Variants in CA8 observed in about 807,000 individuals in gnomAD.
CA8 encodes carbonic anhydrase-related protein.
In CA8, 22 loss-of-function variants were observed where a neutral mutation model predicts 41.4. The ratio of observed to expected loss-of-function variants is 0.53; its 90% CI spans 0.38 to 0.76. CA8 has a LOEUF of 0.76. Among genes scored for constraint, CA8 ranks in the 30% least tolerant of loss-of-function variants. The probability of loss-of-function intolerance (pLI) is 0.00; values close to 1 mark genes in which losing one functional copy is unlikely to be tolerated. For missense variants in CA8, 270 were observed against 352.8 expected (o/e 0.77, Z 1.88); for synonymous variants, 121 against 130.6 (o/e 0.93, Z 0.50).
intron 7 of CA8, among the ~76,000 whole-genome samples, chr8:60,210,806 A>T (rs1693826970): frequency 6.6e-6 from 1 of 152,208 alleles, no homozygotes; most frequent in South Asian, 2.1e-4. Flanking sequence ...CAGCTGTTTA[A>T]TCTACTTGAT....
intron 3 of CA8, among the ~76,000 whole-genome samples, chr8:60,256,352 C>T (rs988832658): frequency 6.6e-6 from 1 of 152,132 alleles, no homozygotes; most frequent in Non-Finnish European, 1.5e-5. Context: ...TGCCACTCTC[C>T]CTGACTAAGA....
chr8:60,238,373 T>C (rs1179162715), intron 3 of CA8, among the ~76,000 whole-genome samples: 2 of 152,180 alleles, frequency 1.3e-5, no homozygotes, highest in East Asian at 1.9e-4. Context: ...ACAAATTTCC[T>C]TTTCCCCAGC....
At chr8:60,263,088 C>A (rs776778010) in intron 3 of CA8, among the ~76,000 whole-genome samples, 5 of 152,124 alleles carry the variant, frequency 3.3e-5, no homozygotes, top group Non-Finnish European at 7.4e-5. Flanking sequence ...CGCCTGTAAT[C>A]CCAGCAATTT....
At chr8:60,215,916 T>C (rs957599640) in intron 7 of CA8, among the ~76,000 whole-genome samples, 1 of 152,238 alleles carries the variant, frequency 6.6e-6, no homozygotes, top group African/African-American at 2.4e-5. Context: ...AGGTGATGCA[T>C]GTCAAGATAC....
chr8:60,280,959 G>C (rs1804400359), intron 1 of CA8, 89 bp downstream of exon 1: 1 of 918,364 alleles, frequency 1.1e-6, no homozygotes, highest in African/African-American at 1.6e-5. Flanking sequence ...TGCTCGGAGC[G>C]CGCAGCGGCA....
At chr8:60,239,167 A>C (rs185535372) in intron 3 of CA8, among the ~76,000 whole-genome samples, 373 of 152,310 alleles carry the variant, frequency 2.4e-3, no homozygotes, top group African/African-American at 8.6e-3. Context: ...GCAGTGACAA[A>C]ATCACAGCTC....
At chr8:60,270,049 T>C (rs1009542086) in intron 2 of CA8, among the ~76,000 whole-genome samples, 13 of 152,130 alleles carry the variant, frequency 8.5e-5, no homozygotes, top group Non-Finnish European at 1.6e-4. Context: ...TCTAGGAGAA[T>C]AAAATCAAAA....
At chr8:60,212,733 C>T (rs957913688) in intron 7 of CA8, among the ~76,000 whole-genome samples, 2 of 152,130 alleles carry the variant, frequency 1.3e-5, no homozygotes, top group Admixed American at 1.3e-4. Context: ...CAGCACAGTA[C>T]CTATAGTTAA....
chr8:60,247,391 C>T (rs1808284996), intron 3 of CA8, among the ~76,000 whole-genome samples: 1 of 152,092 alleles, frequency 6.6e-6, no homozygotes, highest in African/African-American at 2.4e-5. Flanking sequence ...TTTGTCCTAA[C>T]TCTCTCCCTC....
At chr8:60,255,287 C>A (rs1272420059) in intron 3 of CA8, among the ~76,000 whole-genome samples, 1 of 147,108 alleles carries the variant, frequency 6.8e-6, no homozygotes, top group African/African-American at 2.5e-5. Context: ...TAATTCTGGA[C>A]AGACACTCTT....
chr8:60,194,210 T>C (rs1806213305), intron 8 of CA8, among the ~76,000 whole-genome samples: 1 of 152,210 alleles, frequency 6.6e-6, no homozygotes, highest in Non-Finnish European at 1.5e-5. Flanking sequence ...TTTATGTCTT[T>C]TAACTCACTT....
intron 3 of CA8, among the ~76,000 whole-genome samples, chr8:60,262,303 G>A (rs1161785166): frequency 6.9e-6 from 1 of 144,664 alleles, no homozygotes; most frequent in African/African-American, 2.6e-5. Flanking sequence ...AATGGTGAAT[G>A]CATAGAGTGT....
rs1403081698 is a variant in CA8, at chr8:60,281,040, C to T, written c.100+8G>A. ...GGACCCCGGACACCCCGACTCGCGG[C>T]CACTTACCTTCCTCGTAGCCCCACT... On this transcript the variant is annotated splice_region_variant and intron_variant, in intron 1 of 8. Transcript: ENST00000317995. 3.7e-6 allele frequency: 6 copies of T among 1,604,484 alleles called. No individual in the cohort carries two copies. In the Admixed American group the frequency reaches 5.0e-5, roughly 13 times the overall value.
Position 60,209,007 on chromosome 8 carries a change from T to TA in CA8, c.739-89dup, listed in dbSNP as rs1806739093. On this transcript the variant is annotated intron_variant, in intron 7 of 8. Coordinates refer to ENST00000317995, the MANE Select transcript of CA8 (RefSeq NM_004056.6). ...TCATAAATGACATGCATAAAATATGTATAAATTACAAGAATTATTGAAGAG... is the reference window on the plus strand; with the variant it reads ...TCATAAATGACATGCATAAAATATGTAATAAATTACAAGAATTATTGAAGAG... The TA allele has an allele frequency of 8.3e-6, 11 of 1,324,390 alleles. No homozygotes were observed. In the South Asian group the frequency reaches 1.2e-4, roughly 15 times the overall value. The allele number at this position is 1,324,390 out of a possible 1,614,324, so 82.0% of individuals were successfully genotyped here.
chr8:60,219,445 C>T (rs555140370), intron 7 of CA8, among the ~76,000 whole-genome samples: 32 of 152,282 alleles, frequency 2.1e-4, no homozygotes, highest in African/African-American at 7.5e-4. Context: ...CATGAGCCAC[C>T]GCGCCCGGCC....
At chr8:60,200,227 A>G (rs1158383866) in intron 8 of CA8, among the ~76,000 whole-genome samples, 3 of 152,202 alleles carry the variant, frequency 2.0e-5, no homozygotes, top group African/African-American at 7.2e-5. Context: ...TTGATCTTGG[A>G]CTTCCTAGCC....
chr8:60,208,949 A>G (rs546029407), intron 7 of CA8, 30 bp from the exon 8 acceptor site: 2 of 1,610,828 alleles, frequency 1.2e-6, no homozygotes, highest in African/African-American at 2.7e-5. Context: ...AAAATAGATT[A>G]ATCAATTATC....
intron 4 of CA8, among the ~76,000 whole-genome samples, chr8:60,230,998 T>G (rs11780368): frequency 6.6e-6 from 1 of 152,124 alleles, no homozygotes; most frequent in Non-Finnish European, 1.5e-5. Flanking sequence ...TTTTATTTTA[T>G]TATTTTTTAT....
At chr8:60,245,789 C>A (rs113267185) in intron 3 of CA8, among the ~76,000 whole-genome samples, 5 of 152,210 alleles carry the variant, frequency 3.3e-5, no homozygotes, top group African/African-American at 1.2e-4. Context: ...ACAGGAAAGG[C>A]ATCAATGGGT....
Sources: allele counts gnomAD v4.1 joint callset (sites outside exome capture counted in the v4.1 genomes callset), GRCh38; gene constraint gnomAD v4.1.1; transcripts MANE v1.5; gene names NCBI Gene and HGNC (gene_info 2026-07-23, HGNC 2026-07-21).